Variants in MSRB3 observed in about 807,000 individuals in gnomAD.
The protein encoded by MSRB3 is methionine-R-sulfoxide reductase B3.
In MSRB3, 13 loss-of-function variants were observed where a neutral mutation model predicts 21.0. The ratio of observed to expected loss-of-function variants is 0.62; its 90% CI spans 0.40 to 0.98. The LOEUF (loss-of-function observed/expected upper bound fraction) is 0.98. Among genes scored for constraint, MSRB3 ranks in the 50% least tolerant of loss-of-function variants. MSRB3 has a pLI of 0.00. For missense variants in MSRB3, 199 were observed against 230.3 expected, an observed-to-expected ratio of 0.86 and a Z score of 0.88; for synonymous variants, 87 against 88.6, an observed-to-expected ratio of 0.98 and a Z score of 0.10.
intron 2 of MSRB3, among the ~76,000 whole-genome samples, chr12:65,320,493 C>T (rs932077875): frequency 2.0e-5 from 3 of 152,004 alleles, no homozygotes; most frequent in Admixed American, 1.3e-4. Context: ...CATTGTTTGG[C>T]CAAAGGGTTT....
chr12:65,294,944 C>T (rs1325219921), intron 1 of MSRB3, among the ~76,000 whole-genome samples: 2 of 152,106 alleles, frequency 1.3e-5, no homozygotes, highest in Non-Finnish European at 2.9e-5. Flanking sequence ...ACCACAGTCT[C>T]CCAAGTATTA....
intron 5 of MSRB3, among the ~76,000 whole-genome samples, chr12:65,452,168 A>T (rs1882886712): frequency 6.6e-6 from 1 of 152,176 alleles, no homozygotes; most frequent in Non-Finnish European, 1.5e-5. Flanking sequence ...TGAAACTCCT[A>T]AACCTGTTTA....
At chr12:65,423,790 A>T (rs997179505) in intron 5 of MSRB3, among the ~76,000 whole-genome samples, 1 of 152,106 alleles carries the variant, frequency 6.6e-6, no homozygotes, top group African/African-American at 2.4e-5. Flanking sequence ...ATATTGGCCT[A>T]TAGTTTCTTT....
intron 1 of MSRB3, among the ~76,000 whole-genome samples, chr12:65,308,128 C>T (rs898483346): frequency 1.3e-5 from 2 of 152,186 alleles, no homozygotes; most frequent in African/African-American, 4.8e-5. Flanking sequence ...AGTTTCTTCA[C>T]ATACGTATTG....
chr12:65,422,961 CTTTTTTT>C (rs141803317), intron 5 of MSRB3, among the ~76,000 whole-genome samples: 44 of 124,320 alleles, frequency 3.5e-4, no homozygotes, highest in African/African-American at 1.2e-3. Flanking sequence ...TTAGGGTTTT[CTTTTTTT>C]TTTTTTTTTT....
chr12:65,351,239 A>C (rs1876964099), intron 4 of MSRB3, among the ~76,000 whole-genome samples: 1 of 151,578 alleles, frequency 6.6e-6, no homozygotes, highest in East Asian at 1.9e-4. Context: ...ATGAAGGCAG[A>C]AATAAAGATG....
chr12:65,452,936 A>T (rs1882921750), intron 5 of MSRB3, among the ~76,000 whole-genome samples: 1 of 152,220 alleles, frequency 6.6e-6, no homozygotes, highest in Admixed American at 6.5e-5. Flanking sequence ...AAACATAAAA[A>T]CATGCCCATA....
intron 1 of MSRB3, chr12:65,305,315 C>T (rs1464196534): frequency 6.6e-6 from 1 of 152,054 alleles, no homozygotes; most frequent in Non-Finnish European, 1.5e-5. Flanking sequence ...CCTCAGCCTC[C>T]CAGAATGCTG....
At chr12:65,382,848 C>T (rs1212989923) in intron 5 of MSRB3, among the ~76,000 whole-genome samples, 1 of 151,812 alleles carries the variant, frequency 6.6e-6, no homozygotes. Context: ...CACACCCCCA[C>T]CACACACGTG....
chr12:65,451,387 A>G (rs1449206174), intron 5 of MSRB3, among the ~76,000 whole-genome samples: 2 of 152,028 alleles, frequency 1.3e-5, no homozygotes, highest in African/African-American at 2.4e-5. Flanking sequence ...CTCTGTTTCA[A>G]CCTCCCTCAT....
intron 4 of MSRB3, among the ~76,000 whole-genome samples, chr12:65,356,234 T>G (rs1487065394): frequency 6.6e-6 from 1 of 151,962 alleles, no homozygotes; most frequent in Non-Finnish European, 1.5e-5. Context: ...GGTTTTATAA[T>G]TTGATTCATG....
chr12:65,292,899 A>C (rs1208487203), intron 1 of MSRB3, among the ~76,000 whole-genome samples: 2 of 152,162 alleles, frequency 1.3e-5, no homozygotes, highest in African/African-American at 4.8e-5. Context: ...TTCCAATCAG[A>C]AAAAAGAAAC....
In MSRB3 at chr12:65,303,815, C is replaced by T. The variant is rs983027326; in HGVS notation, c.-51-4714C>T. ...CTATACTGGGGACTAGAATTGGAGG[C>T]GTTAGGAATGGTGGAGGTTGGAAGT... On this transcript the variant is annotated intron_variant, in intron 1 of 6. Transcript: ENST00000308259. Among the ~76,000 whole-genome samples, 6 of 151,832 alleles carry T rather than the reference C, an allele frequency of 4.0e-5. No homozygotes were observed. In the South Asian group the frequency reaches 1.0e-3, roughly 26 times the overall value.
chr12:65,408,202 C>G (rs1880522674), intron 5 of MSRB3, among the ~76,000 whole-genome samples: 1 of 152,102 alleles, frequency 6.6e-6, no homozygotes, highest in Admixed American at 6.5e-5. Flanking sequence ...TGAAGCAATT[C>G]TCCTGACTCA....
Position 65,415,592 on chromosome 12 carries a change from G to A in MSRB3, c.293-38136G>A, listed in dbSNP as rs189556560. On this transcript the variant is annotated intron_variant, in intron 5 of 6. Coordinates refer to ENST00000308259, the MANE Select transcript of MSRB3 (RefSeq NM_001031679.3). ...AGAGAATTTAGGGAAATTGGAATAA[G>A]CATTTGTTGAACTGGTAAATGAAAT... Among the ~76,000 whole-genome samples, 6 of 152,200 alleles carry A rather than the reference G, an allele frequency of 3.9e-5. No homozygotes were observed. The East Asian group carries it at 1.2e-3, about 29-fold the overall frequency.
intron 5 of MSRB3, among the ~76,000 whole-genome samples, chr12:65,396,677 G>T (rs1275648323): frequency 1.7e-5 from 2 of 119,854 alleles, no homozygotes; most frequent in African/African-American, 4.1e-5. Context: ...GGTGACAAGA[G>T]TGAAACTCCA....
intron 6 of MSRB3, 48 bp from the exon 7 acceptor site, chr12:65,463,107 G>C: frequency 6.2e-7 from 1 of 1,611,406 alleles, no homozygotes. Flanking sequence ...TCCTCTCAAA[G>C]CCTGCTTTGT....
intron 1 of MSRB3, among the ~76,000 whole-genome samples, chr12:65,290,458 A>C (rs1872607429): frequency 6.6e-6 from 1 of 152,200 alleles, no homozygotes; most frequent in Non-Finnish European, 1.5e-5. Flanking sequence ...TTCAAAAGAG[A>C]ATGGCCCTAG....
intron 5 of MSRB3, among the ~76,000 whole-genome samples, chr12:65,426,095 C>A (rs1024002313): frequency 5.9e-5 from 9 of 152,120 alleles, no homozygotes; most frequent in African/African-American, 2.2e-4. Flanking sequence ...TGAACACAAG[C>A]AATCTGCCCG....
Sources: allele counts gnomAD v4.1 joint callset (sites outside exome capture counted in the v4.1 genomes callset), GRCh38; gene constraint gnomAD v4.1.1; transcripts MANE v1.5; gene names NCBI Gene and HGNC (gene_info 2026-07-23, HGNC 2026-07-21).